FAF1: variants seen among roughly 807,000 people sequenced by gnomAD.
FAF1 encodes FAS-associated factor 1.
Under a neutral mutation model 92.5 loss-of-function variants are expected in FAF1, and 25 were observed. That is an observed-to-expected ratio of 0.27 (90% CI 0.20 to 0.38). The LOEUF is 0.38. Among genes scored for constraint, FAF1 ranks in the 10% least tolerant of loss-of-function variants. The pLI, the probability that FAF1 is intolerant of heterozygous loss-of-function variation, is 1.00. For synonymous variants in FAF1, 234 were observed against 273.2 expected, an observed-to-expected ratio of 0.86 and a Z score of 1.42; for missense variants, 636 against 793.3, an observed-to-expected ratio of 0.80 and a Z score of 2.38.
At chr1:50,574,231 G>A (rs1420970214) in intron 12 of FAF1, among the ~76,000 whole-genome samples, 1 of 152,208 alleles carries the variant, frequency 6.6e-6, no homozygotes, top group East Asian at 1.9e-4. Context: ...TAATACTCAG[G>A]TAATACAATA....
At chr1:50,928,015 G>A (rs943426766) in intron 1 of FAF1, among the ~76,000 whole-genome samples, 8 of 152,166 alleles carry the variant, frequency 5.3e-5, no homozygotes, top group African/African-American at 1.9e-4. Flanking sequence ...CCCTCATAAA[G>A]TTTAGAATTT....
intron 9 of FAF1, among the ~76,000 whole-genome samples, chr1:50,593,788 C>T (rs928068905): frequency 2.0e-5 from 3 of 152,116 alleles, no homozygotes; most frequent in Non-Finnish European, 4.4e-5. Context: ...TTATAGACTA[C>T]AACTTCAATT....
intron 2 of FAF1, among the ~76,000 whole-genome samples, chr1:50,825,386 G>C (rs1226510427): frequency 2.0e-5 from 3 of 151,932 alleles, no homozygotes; most frequent in African/African-American, 4.8e-5. Context: ...TACTAACTAT[G>C]CAACAAATAT....
At chr1:50,649,669 A>G (rs894180218) in intron 8 of FAF1, among the ~76,000 whole-genome samples, 4 of 151,972 alleles carry the variant, frequency 2.6e-5, no homozygotes, top group African/African-American at 9.7e-5. Flanking sequence ...AAGTCTGGGC[A>G]CAGTGCCTCA....
rs74080042 is a variant in FAF1, at chr1:50,668,849, T to G, written c.658-13321A>C. ...TATTATTAAGATCAGGAAAAAAAAT[T>G]TAACCACATGATTCATTAAATAAGG... On this transcript the variant is annotated intron_variant, in intron 7 of 18. Transcript: ENST00000396153. Among the ~76,000 whole-genome samples the G allele has an allele frequency of 6.7e-3, 1,017 of 152,232 alleles. 10 individuals are homozygous for G. Among genetic ancestry groups the G allele is most frequent in the African/African-American group, 0.024 (979 of 41,538 alleles).
chr1:50,623,462 G>T (rs140904320), intron 8 of FAF1, among the ~76,000 whole-genome samples: 1,894 of 151,756 alleles, frequency 0.012, 42 homozygotes, highest in African/African-American at 0.042. Flanking sequence ...CCAGCTACTC[G>T]GGAGGCTGAG....
chr1:50,614,254 A>G (rs992727949), intron 8 of FAF1, among the ~76,000 whole-genome samples: 6 of 152,330 alleles, frequency 3.9e-5, no homozygotes, highest in African/African-American at 9.6e-5. Context: ...TACCTGCAGC[A>G]CTTATTTACG....
chr1:50,931,741 G>C (rs960409144), intron 1 of FAF1, among the ~76,000 whole-genome samples: 11 of 151,940 alleles, frequency 7.2e-5, no homozygotes, highest in Admixed American at 5.3e-4. Context: ...GCCAGGCATA[G>C]AGGCAGGCGC....
chr1:50,839,175 C>T (rs927309850), intron 2 of FAF1, among the ~76,000 whole-genome samples: 1 of 151,264 alleles, frequency 6.6e-6, no homozygotes, highest in Non-Finnish European at 1.5e-5. Flanking sequence ...GGCAACTGTG[C>T]AAGAAAAGCA....
chr1:50,688,694 C>T (rs1188749139), intron 7 of FAF1, among the ~76,000 whole-genome samples: 40 of 152,120 alleles, frequency 2.6e-4, no homozygotes, highest in Admixed American at 2.6e-3. Flanking sequence ...TGCCTGTAAT[C>T]CCAGTTACTC....
At chr1:50,441,660 T>C in intron 18 of FAF1, 137 bp from the exon 19 acceptor site, 2 of 465,508 alleles carry the variant, frequency 4.3e-6, no homozygotes, top group Non-Finnish European at 7.7e-6. Context: ...TAGTTGATCT[T>C]CAAAATAACC....
chr1:50,943,565 A>T (rs1645150786), intron 1 of FAF1, among the ~76,000 whole-genome samples: 1 of 152,174 alleles, frequency 6.6e-6, no homozygotes. Flanking sequence ...GTCATTGGTT[A>T]GTTCAGTTAA....
intron 7 of FAF1, among the ~76,000 whole-genome samples, chr1:50,686,648 TA>T (rs1656673318): frequency 1.3e-5 from 2 of 151,606 alleles, no homozygotes; most frequent in Admixed American, 1.3e-4. Context: ...GGAACACGTA[TA>T]AACTATGGTT....
intron 8 of FAF1, among the ~76,000 whole-genome samples, chr1:50,645,304 C>T (rs1319923239): frequency 2.0e-5 from 3 of 152,228 alleles, no homozygotes; most frequent in Non-Finnish European, 2.9e-5. Context: ...AAGAATGCTT[C>T]TGATTCTGCA....
intron 14 of FAF1, among the ~76,000 whole-genome samples, chr1:50,536,480 C>T (rs2149038353): frequency 6.6e-6 from 1 of 152,260 alleles, no homozygotes; most frequent in Admixed American, 6.5e-5. Flanking sequence ...TTCTTGCTGG[C>T]ATTTTTCCAG....
Position 50,723,964 on chromosome 1 carries a change from G to A in FAF1, c.551+14899C>T, listed in dbSNP as rs980855317. On this transcript the variant is annotated intron_variant, in intron 6 of 18. Transcript: ENST00000396153. ...GGGTTTCACCATGTTGGGCAGACTG[G>A]TCTCGAACTCCTGACCTCAGGTGAT... Among the ~76,000 whole-genome samples the A allele has an allele frequency of 8.5e-5, 13 of 152,110 alleles. 1 individual carries two copies. Among genetic ancestry groups the A allele is most frequent in the South Asian group, 4.2e-4 (2 of 4,812 alleles).
chr1:50,831,037 A>G (rs1337543875), intron 2 of FAF1, among the ~76,000 whole-genome samples: 4 of 152,216 alleles, frequency 2.6e-5, no homozygotes, highest in Admixed American at 1.3e-4. Context: ...ATTTTTAAAA[A>G]TCACAAAAAC....
rs535059148 is a variant in FAF1, at chr1:50,872,376, T to A, written c.46-14379A>T. 3.3e-5 allele frequency among the ~76,000 whole-genome samples: 5 copies of A among 152,286 alleles called. No individual in the cohort carries two copies. In the East Asian group the frequency reaches 9.6e-4, roughly 29 times the overall value. On this transcript the variant is annotated intron_variant, in intron 1 of 18. Coordinates refer to ENST00000396153, the MANE Select transcript of FAF1 (RefSeq NM_007051.3). The stretch of plus-strand genomic sequence containing the variant: ...AGTGGAGTGTGAAGATATGCATGAA[T>A]TGCTGCAATCTTATGATAAAACCTG...
chr1:50,871,066 G>A (rs1357098291), intron 1 of FAF1, among the ~76,000 whole-genome samples: 1 of 152,214 alleles, frequency 6.6e-6, no homozygotes, highest in Non-Finnish European at 1.5e-5. Context: ...AGTTTTAGTG[G>A]TCTGAATAGA....
Sources: gnomAD v4.1 joint callset for allele counts (sites outside exome capture counted in the v4.1 genomes callset) on GRCh38, gnomAD v4.1.1 for gene constraint, MANE v1.5 for transcripts, NCBI Gene and HGNC (gene_info 2026-07-23, HGNC 2026-07-21) for gene names.